Variants in NXPE2 observed in about 807,000 individuals in gnomAD.
The protein encoded by NXPE2 is NXPE family member 2.
In NXPE2, 34 loss-of-function variants were observed where a neutral mutation model predicts 34.4. That is an observed-to-expected ratio of 0.99 (90% CI 0.75 to 1.31). The LOEUF is 1.31. Ranked by LOEUF, NXPE2 falls within the 40% of genes most tolerant of loss-of-function variation. NXPE2 has a pLI of 0.00. For missense variants in NXPE2, 649 were observed against 672.5 expected (o/e 0.97, Z 0.39); for synonymous variants, 235 against 231.3 (o/e 1.02, Z -0.15).
the NXPE2 span, among the ~76,000 whole-genome samples, chr11:114,781,249 C>A: frequency 6.6e-6 from 1 of 152,204 alleles, no homozygotes; most frequent in South Asian, 2.1e-4. Flanking sequence ...TACTCATCTG[C>A]AGCTTCCCTG....
At chr11:114,697,701 A>G (rs767851164) in intron 2 of NXPE2, among the ~76,000 whole-genome samples, 2 of 152,236 alleles carry the variant, frequency 1.3e-5, no homozygotes, top group Non-Finnish European at 2.9e-5. Context: ...CATTGTTGAT[A>G]TAGAAAATGA....
the NXPE2 span, among the ~76,000 whole-genome samples, chr11:114,532,134 C>A: frequency 2.0e-5 from 3 of 152,264 alleles, no homozygotes; most frequent in East Asian, 3.9e-4. Flanking sequence ...CTGCACTGCA[C>A]CCCAGCATTG....
chr11:114,666,129 T>C, the NXPE2 span, among the ~76,000 whole-genome samples: 1 of 152,154 alleles, frequency 6.6e-6, no homozygotes, highest in South Asian at 2.1e-4. Context: ...TAGACAGCCA[T>C]GCCATCCTTT....
At chr11:114,509,477 C>T in the NXPE2 span, among the ~76,000 whole-genome samples, 1 of 152,090 alleles carries the variant, frequency 6.6e-6, no homozygotes, top group Non-Finnish European at 1.5e-5. Flanking sequence ...CATGCATATG[C>T]TCGTTGTGAC....
the NXPE2 span, among the ~76,000 whole-genome samples, chr11:114,598,288 C>G: frequency 9.8e-5 from 2 of 20,480 alleles, no homozygotes; most frequent in Admixed American, 8.0e-4. Flanking sequence ...GCCCCTGTGG[C>G]TTTGTGTTGA....
the NXPE2 span, among the ~76,000 whole-genome samples, chr11:114,640,222 T>G: frequency 2.8e-5 from 4 of 140,820 alleles, no homozygotes; most frequent in African/African-American, 1.0e-4. Context: ...AAATGTAATT[T>G]ATATATATAA....
the NXPE2 span, among the ~76,000 whole-genome samples, chr11:114,802,072 T>C: frequency 1.3e-5 from 2 of 152,130 alleles, no homozygotes; most frequent in African/African-American, 2.4e-5. Flanking sequence ...AGAAAATGGC[T>C]TGGGACTGAA....
chr11:114,671,605 C>T, the NXPE2 span, among the ~76,000 whole-genome samples: 1 of 151,880 alleles, frequency 6.6e-6, no homozygotes, highest in African/African-American at 2.4e-5. Context: ...TCTTTAGAAA[C>T]AGTGGCACCA....
chr11:114,465,846 G>C, the NXPE2 span, among the ~76,000 whole-genome samples: 1 of 152,082 alleles, frequency 6.6e-6, no homozygotes, highest in Non-Finnish European at 1.5e-5. Flanking sequence ...AATGTATGAA[G>C]AACTTAACAA....
chr11:114,684,828 G>A (rs556492168), intron 2 of NXPE2, among the ~76,000 whole-genome samples: 1 of 152,334 alleles, frequency 6.6e-6, no homozygotes, highest in African/African-American at 2.4e-5. Context: ...ATGTTTGGCA[G>A]TGTGACAGGA....
the NXPE2 span, among the ~76,000 whole-genome samples, chr11:114,537,497 G>A: frequency 6.6e-6 from 1 of 152,156 alleles, no homozygotes; most frequent in Non-Finnish European, 1.5e-5. Context: ...GATTGTCCCT[G>A]TTTGCAGATG....
the NXPE2 span, chr11:114,583,047 A>G: frequency 2.5e-6 from 4 of 1,581,980 alleles, no homozygotes; most frequent in Non-Finnish European, 3.4e-6. Context: ...ATGTGACATG[A>G]GATGGATAAA....
At chr11:114,641,057 A>G in the NXPE2 span, among the ~76,000 whole-genome samples, 1 of 146,536 alleles carries the variant, frequency 6.8e-6, no homozygotes, top group Non-Finnish European at 1.5e-5. Flanking sequence ...CATCAGAAAG[A>G]AGAACCAGTT....
the NXPE2 span, among the ~76,000 whole-genome samples, chr11:114,724,895 T>G: frequency 1.3e-5 from 2 of 150,198 alleles, no homozygotes; most frequent in Admixed American, 6.6e-5. Flanking sequence ...AAATGGTTTT[T>G]TTTTTTTTTT....
the NXPE2 span, among the ~76,000 whole-genome samples, chr11:114,783,529 A>G: frequency 6.6e-6 from 1 of 152,234 alleles, no homozygotes; most frequent in East Asian, 1.9e-4. Flanking sequence ...TAGTGACTCA[A>G]ATTTTTTTCC....
the NXPE2 span, among the ~76,000 whole-genome samples, chr11:114,661,707 A>T: frequency 3.9e-5 from 6 of 152,246 alleles, no homozygotes; most frequent in Non-Finnish European, 7.3e-5. Context: ...AGGGAGAAGA[A>T]CTGCATTGGC....
At chr11:114,601,388 C>G in the NXPE2 span, among the ~76,000 whole-genome samples, 1 of 142,632 alleles carries the variant, frequency 7.0e-6, no homozygotes, top group East Asian at 2.0e-4. Flanking sequence ...TAATACCCTC[C>G]AGTTCCATCC....
the NXPE2 span, among the ~76,000 whole-genome samples, chr11:114,577,114 CATAT>C: frequency 2.3e-5 from 3 of 132,122 alleles, no homozygotes; most frequent in South Asian, 4.8e-4. Context: ...TATATATACA[CATAT>C]ATATAAAGTT....
At chr11:114,507,776 A>AG in the NXPE2 span, among the ~76,000 whole-genome samples, 2 of 152,118 alleles carry the variant, frequency 1.3e-5, no homozygotes, top group Non-Finnish European at 2.9e-5. Context: ...ACAAACCCAT[A>AG]GCCAACATCA....
Sources: gnomAD v4.1 joint callset for allele counts (sites outside exome capture counted in the v4.1 genomes callset) on GRCh38, gnomAD v4.1.1 for gene constraint, MANE v1.5 for transcripts, NCBI Gene and HGNC (gene_info 2026-07-23, HGNC 2026-07-21) for gene names.